Variants in FHIP2A observed in about 807,000 individuals in gnomAD.
FHIP2A encodes the protein family with sequence similarity 160 member B1.
A neutral mutation model predicts 93.5 loss-of-function variants in FHIP2A; 46 were observed. The ratio of observed to expected loss-of-function variants is 0.49; its 90% CI spans 0.39 to 0.63. The LOEUF is 0.63. Ranked by LOEUF, FHIP2A falls within the 20% of genes least tolerant of loss-of-function variation. The pLI is 0.00. For synonymous variants in FHIP2A, 332 were observed against 326.5 expected (o/e 1.02, Z -0.18); for missense variants, 769 against 909.7 (o/e 0.85, Z 1.99).
At chr10:114,842,529 AC>A (rs543406633) in intron 5 of FHIP2A, among the ~76,000 whole-genome samples, 71 of 150,714 alleles carry the variant, frequency 4.7e-4, no homozygotes, top group South Asian at 1.5e-3. Context: ...CCTGCAAACC[AC>A]CCCCCCCACC....
chr10:114,876,066 G>A (rs1272028358), intron 16 of FHIP2A, among the ~76,000 whole-genome samples: 2 of 152,182 alleles, frequency 1.3e-5, no homozygotes, highest in African/African-American at 2.4e-5. Flanking sequence ...GGGAAAGACT[G>A]AGGAGGAAGC....
chr10:114,873,173 C>T (rs894133116), intron 16 of FHIP2A, among the ~76,000 whole-genome samples: 9 of 152,188 alleles, frequency 5.9e-5, no homozygotes, highest in African/African-American at 2.2e-4. Flanking sequence ...TCTGCAGTGT[C>T]TGCAGCTGTT....
intron 16 of FHIP2A, among the ~76,000 whole-genome samples, chr10:114,878,110 C>T (rs1184925854): frequency 1.2e-4 from 18 of 152,144 alleles, no homozygotes; most frequent in Admixed American, 1.2e-3. Context: ...TCCAGTACTT[C>T]ATGCATATAT....
chr10:114,875,885 A>G, intron 16 of FHIP2A, among the ~76,000 whole-genome samples: 1 of 137,968 alleles, frequency 7.2e-6, no homozygotes. Context: ...GAAAGAAAAG[A>G]AAGAGAGAGA....
chr10:114,891,219 A>AATATATATATATATATATATATATAT (rs67046628), intron 16 of FHIP2A, among the ~76,000 whole-genome samples: 2 of 138,466 alleles, frequency 1.4e-5, no homozygotes, highest in Non-Finnish European at 1.6e-5. Context: ...AACAACAACA[A>AATATATATATATATATATATATATAT]ATATATATAT....
chr10:114,847,159 T>C lies in FHIP2A; in HGVS notation c.1638T>C (p.Leu546=). Residue 546 remains leucine (L), a synonymous_variant, in exon 12 of 17, where the codon CTT becomes CTC. Coordinates refer to ENST00000369248, the MANE Select transcript of FHIP2A (RefSeq NM_020940.4). ...PENTLPNQEW[L]SSSPPATPDH... The stretch of plus-strand genomic sequence containing the variant: ...ACACTTTGCCAAACCAAGAGTGGCT[T>C]AGTTCTTCACCTCCTGCTACTCCAG... 2 of 1,613,486 alleles carry C rather than the reference T, an allele frequency of 1.2e-6. No individual in the cohort carries two copies. The highest frequency in any genetic ancestry group is 8.5e-7 in the Non-Finnish European group (1 of 1,179,456).
intron 13 of FHIP2A, among the ~76,000 whole-genome samples, chr10:114,852,163 G>T (rs989217274): frequency 1.2e-4 from 18 of 146,846 alleles, no homozygotes; most frequent in African/African-American, 4.3e-4. Context: ...GCTTTTAGGT[G>T]TCAGGTGTCA....
chr10:114,847,038 G>C, intron 11 of FHIP2A, 52 bp from the exon 12 acceptor site: 1 of 1,478,498 alleles, frequency 6.8e-7, no homozygotes, highest in South Asian at 1.2e-5. Flanking sequence ...TTTTGGTTTA[G>C]AAAATGTCAT....
At chr10:114,839,333 G>A (rs563347614) in intron 5 of FHIP2A, among the ~76,000 whole-genome samples, 1 of 152,086 alleles carries the variant, frequency 6.6e-6, no homozygotes, top group Admixed American at 6.5e-5. Flanking sequence ...CACCATGTTG[G>A]CCAGGCTGGT....
At chr10:114,894,185 G>C (rs932654552) in intron 16 of FHIP2A, among the ~76,000 whole-genome samples, 1 of 152,064 alleles carries the variant, frequency 6.6e-6, no homozygotes, top group East Asian at 1.9e-4. Context: ...ATGACATTAA[G>C]CCAAAGGCCT....
Position 114,847,127 on chromosome 10 carries a change from C to A in FHIP2A, c.1606C>A (p.Pro536Thr), listed in dbSNP as rs760466982. 2 of 1,612,730 alleles carry A rather than the reference C, an allele frequency of 1.2e-6. No homozygotes were observed. The highest frequency in any genetic ancestry group is 1.7e-5 in the Admixed American group (1 of 59,924). The change falls in exon 12 of 17, where the codon CCA becomes ACA. Residue 536 changes from proline (P) to threonine (T), a missense_variant. Transcript: ENST00000369248. The part of the protein sequence containing the change: ...EEDPLFTDIS[P>T]ENTLPNQEWL... ...AGATCCATTATTTACTGACATTTCACCAGAAAACACTTTGCCAAACCAAGA... is the reference window on the plus strand; with the variant it reads ...AGATCCATTATTTACTGACATTTCAACAGAAAACACTTTGCCAAACCAAGA...
At chr10:114,897,460 A>G (rs1359370441) in intron 16 of FHIP2A, among the ~76,000 whole-genome samples, 3 of 152,176 alleles carry the variant, frequency 2.0e-5, no homozygotes, top group African/African-American at 7.2e-5. Flanking sequence ...CTATTTCTTT[A>G]CGGCACTGGG....
chr10:114,827,330 TATCAA>T (rs1331079870), intron 1 of FHIP2A, among the ~76,000 whole-genome samples: 2 of 152,262 alleles, frequency 1.3e-5, no homozygotes, highest in East Asian at 3.8e-4. Flanking sequence ...TTATATATAT[TATCAA>T]ATACTTAACT....
At chr10:114,882,055 G>C (rs2083919772) in intron 16 of FHIP2A, among the ~76,000 whole-genome samples, 1 of 152,210 alleles carries the variant, frequency 6.6e-6, no homozygotes, top group African/African-American at 2.4e-5. Context: ...CTGAGTGTGG[G>C]ACACAAGCTA....
chr10:114,870,985 G>A (rs572499462), intron 16 of FHIP2A, among the ~76,000 whole-genome samples: 31 of 151,778 alleles, frequency 2.0e-4, no homozygotes, highest in Admixed American at 2.0e-3. Context: ...TATCACCTCA[G>A]CAATGGGTCC....
At chr10:114,887,640 C>T (rs1306335513) in intron 16 of FHIP2A, among the ~76,000 whole-genome samples, 1 of 152,192 alleles carries the variant, frequency 6.6e-6, no homozygotes, top group Non-Finnish European at 1.5e-5. Flanking sequence ...TAGTTCCGTT[C>T]CTCTCTCCAT....
At chr10:114,873,014 A>G (rs532900115) in intron 16 of FHIP2A, among the ~76,000 whole-genome samples, 1 of 152,358 alleles carries the variant, frequency 6.6e-6, no homozygotes, top group African/African-American at 2.4e-5. Context: ...TTACTGTAAT[A>G]CAGGGCTAAA....
Position 114,862,218 on chromosome 10 carries a change from T to G in FHIP2A, c.*678T>G, listed in dbSNP as rs996741515. On this transcript the variant is annotated 3_prime_UTR_variant, in exon 17 of 17. Transcript: ENST00000369248. ...TCTTTTGTGCACATAGCCATGTTAG[T>G]GATTTTCTTCATGTGTGGGTCCCAG... 50 of 978,266 alleles carry G rather than the reference T, an allele frequency of 5.1e-5. No homozygotes were observed. Among genetic ancestry groups the G allele is most frequent in the Non-Finnish European group, 5.7e-5 (47 of 823,170 alleles). 60.6% of individuals were successfully genotyped at this position (978,266 alleles called of 1,614,324 possible). A position where few individuals can be genotyped will look rare whatever the true frequency, so the allele number is the denominator to read the frequency against.
At chr10:114,828,596 A>C (rs2083590790) in intron 1 of FHIP2A, among the ~76,000 whole-genome samples, 1 of 152,238 alleles carries the variant, frequency 6.6e-6, no homozygotes, top group African/African-American at 2.4e-5. Context: ...TATTTTGAGA[A>C]CATTCTAAAA....
Sources: gnomAD v4.1 joint callset for allele counts (sites outside exome capture counted in the v4.1 genomes callset) on GRCh38, gnomAD v4.1.1 for gene constraint, MANE v1.5 for transcripts, NCBI Gene and HGNC (gene_info 2026-07-23, HGNC 2026-07-21) for gene names.